Variants in EPHA6 observed in about 807,000 individuals in gnomAD.
The protein encoded by EPHA6 is EPH receptor A6.
A neutral mutation model predicts 112.0 loss-of-function variants in EPHA6; 50 were observed. The observed-to-expected ratio is 0.45, with a 90% CI of 0.36 to 0.56. The LOEUF (loss-of-function observed/expected upper bound fraction) is 0.56, where lower values mean the gene tolerates loss of function less well. Among genes scored for constraint, EPHA6 ranks in the 20% least tolerant of loss-of-function variants. EPHA6 has a pLI of 0.00. For missense variants in EPHA6, 1,280 were observed against 1,417.4 expected (o/e 0.90, Z 1.56); for synonymous variants, 529 against 490.7 (o/e 1.08, Z -1.03).
chr3:96,862,621 A>C (rs1362516610), intron 1 of EPHA6, among the ~76,000 whole-genome samples: 1 of 151,910 alleles, frequency 6.6e-6, no homozygotes. Flanking sequence ...TATGAATAAA[A>C]TCTCATCCTT....
At chr3:96,995,056 A>G (rs1275406446) in intron 3 of EPHA6, among the ~76,000 whole-genome samples, 1 of 152,020 alleles carries the variant, frequency 6.6e-6, no homozygotes, top group Middle Eastern at 3.2e-3. Context: ...CCATTGCATT[A>G]TTGTTCACGA....
At chr3:96,875,005 T>A (rs1425120687) in intron 2 of EPHA6, among the ~76,000 whole-genome samples, 1 of 152,026 alleles carries the variant, frequency 6.6e-6, no homozygotes, top group East Asian at 1.9e-4. Context: ...AAGGAAAGAT[T>A]AAGGTAGTTA....
Position 97,011,752 on chromosome 3 carries a change from T to C in EPHA6, c.1114+23759T>C, listed in dbSNP as rs184565033. 2.4e-3 allele frequency among the ~76,000 whole-genome samples: 373 copies of C among 152,276 alleles called. 3 individuals are homozygous for C. The highest frequency in any genetic ancestry group is 8.6e-3 in the African/African-American group (358 of 41,560). On this transcript the variant is annotated intron_variant, in intron 3 of 17. Transcript: ENST00000389672. Reference sequence around the variant, plus strand: ...GATACAAATGATCCCATCACCCAGGTAGTGAGCATAATACTCAATAGTTTT... The same window carrying C: ...GATACAAATGATCCCATCACCCAGGCAGTGAGCATAATACTCAATAGTTTT...
intron 3 of EPHA6, among the ~76,000 whole-genome samples, chr3:97,064,551 A>G (rs552304733): frequency 1.5e-4 from 23 of 152,320 alleles, no homozygotes; most frequent in Non-Finnish European, 3.2e-4. Flanking sequence ...TATCTGGTCC[A>G]GTGCCTGACA....
intron 4 of EPHA6, among the ~76,000 whole-genome samples, chr3:97,242,449 T>C (rs1442018407): frequency 2.0e-5 from 3 of 151,780 alleles, no homozygotes; most frequent in Non-Finnish European, 4.4e-5. Flanking sequence ...AAAACAGGGG[T>C]CCACCTGATT....
Position 96,814,629 on chromosome 3 carries a change from A to G in EPHA6, c.6A>G (p.Gln2=). Residue 2 remains glutamine, a synonymous_variant, in exon 1 of 18, where the codon CAA becomes CAG. Coordinates refer to ENST00000389672, the MANE Select transcript of EPHA6 (RefSeq NM_001080448.3). The part of the protein sequence containing the change: M[Q]FPSPPAARSS... ...CAAGCGGGACACTGTGGTGGATGCA[A>G]TTCCCCTCGCCTCCAGCCGCGAGGA... 6.8e-7 allele frequency: 1 copy of G among 1,464,822 alleles called. No homozygotes were observed. The highest frequency in any genetic ancestry group is 9.0e-7 in the Non-Finnish European group (1 of 1,108,490). 90.7% of individuals were successfully genotyped at this position (1,464,822 alleles called of 1,614,324 possible). A position where few individuals can be genotyped will look rare whatever the true frequency, so the allele number is the denominator to read the frequency against.
At chr3:97,466,401 GTT>G (rs1377896970) in intron 7 of EPHA6, 2 of 1,608,458 alleles carry the variant, frequency 1.2e-6, no homozygotes, top group Non-Finnish European at 1.7e-6. Context: ...TTTTCTCTTG[GTT>G]CATTATATTC....
chr3:97,201,151 C>G (rs1477554558), intron 3 of EPHA6, among the ~76,000 whole-genome samples: 1 of 152,058 alleles, frequency 6.6e-6, no homozygotes, highest in Non-Finnish European at 1.5e-5. Flanking sequence ...TCTACTATGT[C>G]CAGCATATCA....
chr3:97,730,025 T>C (rs1490693020), intron 15 of EPHA6, among the ~76,000 whole-genome samples: 1 of 152,114 alleles, frequency 6.6e-6, no homozygotes, highest in Non-Finnish European at 1.5e-5. Flanking sequence ...ACTGTATAAA[T>C]AACTAAATTC....
chr3:97,462,601 G>A (rs2090926997), intron 7 of EPHA6, among the ~76,000 whole-genome samples: 1 of 152,122 alleles, frequency 6.6e-6, no homozygotes, highest in Non-Finnish European at 1.5e-5. Context: ...AACAAGCTTA[G>A]CTATATATTG....
At chr3:96,881,669 T>TAA (rs1330435804) in intron 2 of EPHA6, among the ~76,000 whole-genome samples, 1 of 152,188 alleles carries the variant, frequency 6.6e-6, no homozygotes, top group Admixed American at 6.5e-5. Flanking sequence ...TCCAGAGTCT[T>TAA]AACTCATTTC....
chr3:97,161,136 A>C (rs908000184), intron 3 of EPHA6, among the ~76,000 whole-genome samples: 6 of 152,144 alleles, frequency 3.9e-5, no homozygotes, highest in African/African-American at 1.4e-4. Flanking sequence ...TTATGGCTTC[A>C]TAGGTTAGTT....
chr3:96,956,294 G>A (rs369001303), intron 2 of EPHA6, among the ~76,000 whole-genome samples: 11 of 152,264 alleles, frequency 7.2e-5, no homozygotes, highest in South Asian at 2.1e-4. Context: ...GGGATACATA[G>A]GTCATATTAA....
intron 1 of EPHA6, among the ~76,000 whole-genome samples, chr3:96,855,065 C>T (rs2035614820): frequency 6.6e-6 from 1 of 152,082 alleles, no homozygotes; most frequent in Admixed American, 6.6e-5. Context: ...CTGGAGACCA[C>T]CCATGTTCCT....
At chr3:97,106,597 G>T (rs13084429) in intron 3 of EPHA6, among the ~76,000 whole-genome samples, 22,376 of 151,836 alleles carry the variant, frequency 0.15, 1,842 homozygotes, top group Admixed American at 0.25. Flanking sequence ...GCCCACTTGT[G>T]ATCTAATTCT....
intron 5 of EPHA6, among the ~76,000 whole-genome samples, chr3:97,387,226 C>T (rs2086121084): frequency 6.6e-6 from 1 of 152,174 alleles, no homozygotes; most frequent in African/African-American, 2.4e-5. Flanking sequence ...TGAATTACTT[C>T]CCAGAAAATG....
intron 15 of EPHA6, among the ~76,000 whole-genome samples, chr3:97,734,877 G>A (rs991706121): frequency 2.6e-5 from 4 of 151,930 alleles, no homozygotes; most frequent in African/African-American, 9.7e-5. Flanking sequence ...AACATTTTAT[G>A]AAAACCTAGG....
chr3:96,914,632 A>G (rs2039395855), intron 2 of EPHA6, among the ~76,000 whole-genome samples: 1 of 152,190 alleles, frequency 6.6e-6, no homozygotes, highest in African/African-American at 2.4e-5. Flanking sequence ...GCCAATGACA[A>G]CATGGCAGAG....
chr3:97,338,646 C>T (rs898944581), intron 5 of EPHA6, among the ~76,000 whole-genome samples: 1 of 152,176 alleles, frequency 6.6e-6, no homozygotes, highest in Admixed American at 6.5e-5. Flanking sequence ...CTTGCAAACA[C>T]ACATTATATC....
Sources: gnomAD v4.1 joint callset for allele counts (sites outside exome capture counted in the v4.1 genomes callset) on GRCh38, gnomAD v4.1.1 for gene constraint, MANE v1.5 for transcripts, NCBI Gene and HGNC (gene_info 2026-07-23, HGNC 2026-07-21) for gene names.